The following ZEB1 variants were observed in gnomAD, a reference collection of about 807,000 sequenced individuals.
The protein encoded by ZEB1 is zinc finger E-box binding homeobox 1.
A neutral mutation model predicts 84.9 loss-of-function variants in ZEB1; 21 were observed. The observed-to-expected ratio is 0.25, with a 90% confidence interval of 0.18 to 0.36. The LOEUF is 0.36. Among genes scored for constraint, ZEB1 ranks in the 10% least tolerant of loss-of-function variants. The pLI is 1.00. For missense variants in ZEB1, 1,104 were observed against 1,330.2 expected, an observed-to-expected ratio of 0.83 and a Z score of 2.65; for synonymous variants, 420 against 471.1, an observed-to-expected ratio of 0.89 and a Z score of 1.41.
intron 1 of ZEB1, chr10:31,361,266 C>G: frequency 5.2e-6 from 8 of 1,552,020 alleles, no homozygotes; most frequent in Non-Finnish European, 7.1e-6. Flanking sequence ...GATCTCGGCT[C>G]ACTGCAACCT....
Position 31,521,255 on chromosome 10 carries a change from G to T in ZEB1, c.1923G>T (p.Gln641His), listed in dbSNP as rs779148597. Residue 641 changes from glutamine to histidine, a missense_variant, in exon 7 of 9, where the codon CAG becomes CAT. By Grantham distance (24) the Gln-to-His change is conservative. Coordinates refer to ENST00000424869, the MANE Select transcript of ZEB1 (RefSeq NM_001174096.2). ...TGCAAGCTGGACAGATTTCAGTGCAGTCTTCTGAACCATCTTCTCCTGAAC... is the reference window on the plus strand; with the variant it reads ...TGCAAGCTGGACAGATTTCAGTGCATTCTTCTGAACCATCTTCTCCTGAAC... ...EKMQAGQISVQSSEPSSPEPG... is the reference protein window; with the variant it reads ...EKMQAGQISVHSSEPSSPEPG... The T allele has an allele frequency of 7.4e-6, 12 of 1,613,974 alleles. No individual in the cohort carries two copies. The highest frequency in any genetic ancestry group is 1.0e-5 in the Non-Finnish European group (12 of 1,180,030).
chr10:31,407,393 A>G (rs932788545), intron 1 of ZEB1, among the ~76,000 whole-genome samples: 14 of 151,512 alleles, frequency 9.2e-5, no homozygotes, highest in African/African-American at 1.2e-4. Flanking sequence ...ATGATTTCCA[A>G]TTTCATCCAT....
At chr10:31,519,097 A>C (rs1010425008) in intron 6 of ZEB1, among the ~76,000 whole-genome samples, 2 of 152,152 alleles carry the variant, frequency 1.3e-5, no homozygotes, top group Non-Finnish European at 2.9e-5. Flanking sequence ...TCACTCATCC[A>C]AAAAAGGTTT....
intron 1 of ZEB1, among the ~76,000 whole-genome samples, chr10:31,340,980 G>A (rs961402335): frequency 2.6e-5 from 4 of 152,148 alleles, no homozygotes; most frequent in African/African-American, 2.4e-5. Context: ...GAAGGAGTAT[G>A]AGATAAGGGT....
chr10:31,495,661 A>G, intron 2 of ZEB1, 115 bp from the exon 3 acceptor site: 1 of 1,013,860 alleles, frequency 9.9e-7, no homozygotes, highest in South Asian at 1.3e-5. Flanking sequence ...TGATACATGT[A>G]TACAATGTGT....
At chr10:31,475,300 T>C (rs932794595) in intron 2 of ZEB1, among the ~76,000 whole-genome samples, 3 of 151,990 alleles carry the variant, frequency 2.0e-5, no homozygotes, top group African/African-American at 7.2e-5. Context: ...CAGGATTATG[T>C]AAAGCTACCA....
rs759928999 is a variant in ZEB1 at position 31,520,892 on chromosome 10, C to A, written c.1560C>A (p.Asp520Glu). The stretch of plus-strand genomic sequence containing the variant: ...ATCTTACTGTTAAGTCTGAGAAGGA[C>A]AAAAGCTTTGAAGGGGGGGTGAATG... The part of the protein sequence containing the change: ...PEDLTVKSEK[D>E]KSFEGGVNDS... Residue 520 changes from aspartate (D) to glutamate (E), a missense_variant, in exon 7 of 9, where the codon GAC becomes GAA. Transcript: ENST00000424869. The surrounding 1 kb of genome is among the most constrained non-coding windows in gnomAD (Gnocchi z 5.1). 2.5e-6 allele frequency: 4 copies of A among 1,613,964 alleles called. No homozygotes were observed. The highest frequency in any genetic ancestry group is 1.7e-5 in the Admixed American group (1 of 59,974).
chr10:31,430,248 G>C (rs1448909594), intron 1 of ZEB1, among the ~76,000 whole-genome samples: 1 of 152,136 alleles, frequency 6.6e-6, no homozygotes, highest in Non-Finnish European at 1.5e-5. Flanking sequence ...AGGGTAAACT[G>C]TGTGTGTTTG....
In ZEB1 at chr10:31,363,239, G is replaced by A. The variant is rs181515788; in HGVS notation, c.58+43947G>A. 1.1e-3 allele frequency: 1,631 copies of A among 1,534,018 alleles called. 22 individuals are homozygous for A. The African/African-American group carries it at 0.02, about 19-fold the overall frequency. Reference sequence around the variant, plus strand: ...TTCAAGGCCGCCTTCTCTGGCCACAGGGAGCAGCCCGGAACTGGGGCAGGG... The same window carrying A: ...TTCAAGGCCGCCTTCTCTGGCCACAAGGAGCAGCCCGGAACTGGGGCAGGG... On this transcript the variant is annotated intron_variant, in intron 1 of 8. Transcript: ENST00000424869.
At chr10:31,526,521 A>G (rs554702054) in intron 8 of ZEB1, 151 bp from the exon 9 acceptor site, 22 of 985,508 alleles carry the variant, frequency 2.2e-5, no homozygotes, top group Non-Finnish European at 3.3e-5. Flanking sequence ...AAATTGCAAT[A>G]TTATATTACA....
intron 1 of ZEB1, among the ~76,000 whole-genome samples, chr10:31,452,734 T>TGAGA (rs1446838539): frequency 2.7e-5 from 3 of 110,984 alleles, no homozygotes; most frequent in African/African-American, 1.6e-4. Context: ...TGTGTGTGTG[T>TGAGA]GTGTGTGTGA....
At chr10:31,355,527 A>G (rs2041976006) in intron 1 of ZEB1, among the ~76,000 whole-genome samples, 3 of 152,172 alleles carry the variant, frequency 2.0e-5, no homozygotes, top group African/African-American at 7.2e-5. Context: ...AGATGATAGG[A>G]AAGAATATAA....
intron 1 of ZEB1, among the ~76,000 whole-genome samples, chr10:31,408,262 A>G (rs2053532731): frequency 6.6e-6 from 1 of 150,610 alleles, no homozygotes; most frequent in Admixed American, 6.6e-5. Context: ...AACAAATGGA[A>G]GAACATTCCA....
Position 31,507,710 on chromosome 10 carries a change from T to C in ZEB1, c.485-2963T>C, listed in dbSNP as rs112767523. ...TATGATACTTACCTCTTTGGTAAAT[T>C]TCTCATTCATATCCTGATTTGTTTT... On this transcript the variant is annotated intron_variant, in intron 4 of 8. Coordinates refer to ENST00000424869, the MANE Select transcript of ZEB1 (RefSeq NM_001174096.2). 6.8e-4 allele frequency among the ~76,000 whole-genome samples: 103 copies of C among 152,174 alleles called. 2 individuals carry two copies. Among genetic ancestry groups the C allele is most frequent in the African/African-American group, 2.4e-3 (100 of 41,526 alleles).
rs11815088 is a variant in ZEB1 at position 31,339,971 on chromosome 10, C to G, written c.58+20679C>G. On this transcript the variant is annotated intron_variant, in intron 1 of 8. Coordinates refer to ENST00000424869, the MANE Select transcript of ZEB1 (RefSeq NM_001174096.2). ...TATTTTTATGTTATTTTAGATAAAT[C>G]CATATCAACACAGCACAGGAGAACA... Among the ~76,000 whole-genome samples the G allele has an allele frequency of 9.3e-3, 1,421 of 152,014 alleles. 24 individuals carry two copies. The highest frequency in any genetic ancestry group is 0.033 in the African/African-American group (1,360 of 41,448).
At chr10:31,363,694 C>G (rs1412961850) in intron 1 of ZEB1, 8 of 1,242,734 alleles carry the variant, frequency 6.4e-6, no homozygotes, top group Non-Finnish European at 9.1e-6. Flanking sequence ...CCTTACGGGG[C>G]TGAGGTGTCC....
intron 2 of ZEB1, among the ~76,000 whole-genome samples, chr10:31,492,867 CAAGCCAT>C (rs1257722408): frequency 1.1e-4 from 16 of 151,838 alleles, no homozygotes; most frequent in Non-Finnish European, 2.4e-4. Flanking sequence ...CTAAAAAGAA[CAAGCCAT>C]AAGCTCTTTT....
chr10:31,465,100 G>A (rs2062239032), intron 2 of ZEB1, among the ~76,000 whole-genome samples: 1 of 151,962 alleles, frequency 6.6e-6, no homozygotes, highest in South Asian at 2.1e-4. Flanking sequence ...GTAACTCAAA[G>A]GATAAATACC....
chr10:31,350,604 CA>C (rs1353869805), intron 1 of ZEB1, among the ~76,000 whole-genome samples: 1 of 152,072 alleles, frequency 6.6e-6, no homozygotes, highest in Non-Finnish European at 1.5e-5. Context: ...CAGTTGAACA[CA>C]AATAGTAATA....
Sources: gnomAD v4.1 joint callset for allele counts (sites outside exome capture counted in the v4.1 genomes callset) on GRCh38, gnomAD v4.1.1 for gene constraint, Gnocchi (gnomAD v3.1) non-coding constraint, MANE v1.5 for transcripts, NCBI Gene and HGNC (gene_info 2026-07-23, HGNC 2026-07-21) for gene names.